DENND4C: variants seen among roughly 807,000 people sequenced by gnomAD.
DENND4C encodes DENN domain-containing protein 4C.
In DENND4C, 108 loss-of-function variants were observed where a neutral mutation model predicts 203.0. The ratio of observed to expected loss-of-function variants is 0.53; its 90% CI spans 0.46 to 0.62. The LOEUF (loss-of-function observed/expected upper bound fraction) is 0.62, where lower values mean the gene tolerates loss of function less well. Ranked by LOEUF, DENND4C falls within the 20% of genes least tolerant of loss-of-function variation. DENND4C has a pLI of 0.00. For missense variants in DENND4C, 2,481 were observed against 2,301.2 expected (o/e 1.08, Z -1.60); for synonymous variants, 871 against 792.4 (o/e 1.10, Z -1.67).
intron 1 of DENND4C, among the ~76,000 whole-genome samples, chr9:19,274,807 A>G (rs1170445831): frequency 6.6e-6 from 1 of 152,070 alleles, no homozygotes; most frequent in Non-Finnish European, 1.5e-5. Flanking sequence ...TGTTACCTTA[A>G]TTTTTCTGAT....
chr9:19,298,009 C>G (rs774548060), intron 6 of DENND4C, 47 bp from the exon 7 acceptor site: 1 of 1,397,620 alleles, frequency 7.2e-7, no homozygotes, highest in Admixed American at 1.8e-5. Flanking sequence ...AACTGTGATG[C>G]ATTTAGAAAA....
chr9:19,335,011 T>G lies in DENND4C; in HGVS notation c.2495T>G (p.Leu832Arg). The G allele has an allele frequency of 6.2e-7, 1 of 1,612,204 alleles. No homozygotes were observed. The highest frequency in any genetic ancestry group is 8.5e-7 in the Non-Finnish European group (1 of 1,179,304). ...CYRVVMQLCG[L>R]WGHPVLAVRV... ...CGAGTAGTGATGCAGCTTTGTGGAC[T>G]TTGGGGTCATCCTGTTTTAGCAGTG... Residue 832 changes from leucine (L) to arginine (R), a missense_variant, in exon 18 of 33, where the codon CTT (leucine) becomes CGT (arginine). By Grantham distance (102) the Leu-to-Arg change is moderately radical. Around this residue, in one of 3 missense-constraint regions of DENND4C, gnomAD observed 2,289 missense variants for 2,113.3 expected, o/e 1.08. Transcript: ENST00000434457.
intron 10 of DENND4C, among the ~76,000 whole-genome samples, chr9:19,312,171 T>G (rs1840866081): frequency 6.6e-6 from 1 of 152,184 alleles, no homozygotes; most frequent in Admixed American, 6.5e-5. Flanking sequence ...TGGCGCGATC[T>G]TGGCTCACTG....
intron 1 of DENND4C, among the ~76,000 whole-genome samples, chr9:19,266,402 A>G (rs547773055): frequency 5.9e-5 from 9 of 152,262 alleles, no homozygotes; most frequent in East Asian, 1.9e-4. Flanking sequence ...CTCCTGTTCT[A>G]TAGGTTGCCT....
At chr9:19,370,654 G>T (rs528714804) in intron 31 of DENND4C, among the ~76,000 whole-genome samples, 1 of 152,256 alleles carries the variant, frequency 6.6e-6, no homozygotes, top group South Asian at 2.1e-4. Flanking sequence ...AAGAGAATAT[G>T]GGAATAGGAG....
At position 19,340,985 on chromosome 9, in the gene DENND4C, T is replaced by C. The variant is rs200253143; in HGVS notation, c.2882-7T>C. The stretch of plus-strand genomic sequence containing the variant: ...ATTTATATGTAAGTCTGCATTCTTT[T>C]TAACAGGTGGTCAGTCTGACCAAGG... On this transcript the variant is annotated splice_region_variant and splice_polypyrimidine_tract_variant and intron_variant, in intron 20 of 32. Coordinates refer to ENST00000434457, the MANE Select transcript of DENND4C (RefSeq NM_001330640.2). The C allele has an allele frequency of 5.1e-5, 81 of 1,588,466 alleles. No homozygotes were observed. In the Admixed American group the frequency reaches 1.4e-3, roughly 28 times the overall value.
At chr9:19,269,430 A>G (rs775161280) in intron 1 of DENND4C, among the ~76,000 whole-genome samples, 1 of 152,170 alleles carries the variant, frequency 6.6e-6, no homozygotes, top group Non-Finnish European at 1.5e-5. Flanking sequence ...AAATGCTGGG[A>G]TTACAGGCCT....
At chr9:19,301,525 G>C (rs893912270) in intron 9 of DENND4C, among the ~76,000 whole-genome samples, 2 of 152,226 alleles carry the variant, frequency 1.3e-5, no homozygotes, top group Non-Finnish European at 2.9e-5. Context: ...AACCATATGA[G>C]AAAGCTTCCA....
intron 30 of DENND4C, among the ~76,000 whole-genome samples, chr9:19,364,029 G>A (rs1827091022): frequency 6.6e-6 from 1 of 151,838 alleles, no homozygotes; most frequent in African/African-American, 2.4e-5. Flanking sequence ...AGAAAAAAAG[G>A]ATAATGTGGC....
intron 27 of DENND4C, 187 bp downstream of exon 27, chr9:19,357,341 A>C: frequency 1.8e-6 from 1 of 542,762 alleles, no homozygotes; most frequent in South Asian, 2.8e-5. Flanking sequence ...TTTTTGAACT[A>C]AGTTTAATAT....
chr9:19,282,327 C>T (rs1478042282), intron 2 of DENND4C, among the ~76,000 whole-genome samples: 1 of 150,052 alleles, frequency 6.7e-6, no homozygotes, highest in Non-Finnish European at 1.5e-5. Flanking sequence ...ATAGTCTAGG[C>T]TCACTGCAGC....
chr9:19,315,832 A>G (rs1841743898), intron 10 of DENND4C, among the ~76,000 whole-genome samples: 1 of 151,912 alleles, frequency 6.6e-6, no homozygotes, highest in Non-Finnish European at 1.5e-5. Context: ...CAGCCTCCTG[A>G]GTAGCTGGGA....
chr9:19,244,127 T>C (rs1824499944), intron 1 of DENND4C, among the ~76,000 whole-genome samples: 2 of 151,782 alleles, frequency 1.3e-5, no homozygotes, highest in African/African-American at 4.8e-5. Context: ...GCCTCCCGGG[T>C]TTAAGCGATT....
intron 23 of DENND4C, among the ~76,000 whole-genome samples, chr9:19,350,382 T>G (rs889486570): frequency 6.6e-6 from 1 of 152,342 alleles, no homozygotes; most frequent in African/African-American, 2.4e-5. Context: ...CTACTTGTAC[T>G]GGGATTCCTG....
At chr9:19,309,422 C>CAA (rs778968240) in intron 10 of DENND4C, among the ~76,000 whole-genome samples, 13 of 94,938 alleles carry the variant, frequency 1.4e-4, no homozygotes, top group South Asian at 3.2e-4. Context: ...AACTCCATCT[C>CAA]AAAAAAAAAA....
intron 1 of DENND4C, among the ~76,000 whole-genome samples, chr9:19,245,038 C>T (rs1421788524): frequency 6.6e-6 from 1 of 152,212 alleles, no homozygotes; most frequent in Non-Finnish European, 1.5e-5. Flanking sequence ...CCTACCTTAG[C>T]TGTCTGCATG....
chr9:19,333,433 A>C (rs1042807910), intron 17 of DENND4C, among the ~76,000 whole-genome samples: 1 of 152,140 alleles, frequency 6.6e-6, no homozygotes, highest in Non-Finnish European at 1.5e-5. Flanking sequence ...CCTGTCTTGT[A>C]CATTGTGTAG....
At chr9:19,314,046 C>T (rs1289137020) in intron 10 of DENND4C, among the ~76,000 whole-genome samples, 4 of 151,900 alleles carry the variant, frequency 2.6e-5, no homozygotes, top group Non-Finnish European at 4.4e-5. Flanking sequence ...TGTGCCACTC[C>T]ACTGCAGCCT....
chr9:19,272,749 G>C (rs905216598), intron 1 of DENND4C, among the ~76,000 whole-genome samples: 2 of 151,932 alleles, frequency 1.3e-5, no homozygotes, highest in Non-Finnish European at 2.9e-5. Context: ...CATTGGATTA[G>C]ACATGTTTTT....
Sources: gnomAD v4.1 joint callset for allele counts (sites outside exome capture counted in the v4.1 genomes callset) on GRCh38, gnomAD v4.1.1 for gene constraint, gnomAD v4.1.1 regional missense constraint, MANE v1.5 for transcripts, NCBI Gene and HGNC (gene_info 2026-07-23, HGNC 2026-07-21) for gene names.